The following ITGB5 variants were observed in gnomAD, a reference collection of about 807,000 sequenced individuals.
ITGB5 encodes integrin subunit beta 5, also known as integrin beta-5.
In ITGB5, 38 loss-of-function variants were observed where a neutral mutation model predicts 84.8. The ratio of observed to expected loss-of-function variants is 0.45; its 90% confidence interval spans 0.35 to 0.59. The LOEUF (loss-of-function observed/expected upper bound fraction) is 0.59, where lower values mean the gene tolerates loss of function less well. ITGB5 is among the 20% of genes least tolerant of loss of function. The pLI, the probability that ITGB5 is intolerant of heterozygous loss-of-function variation, is 0.01. For synonymous variants in ITGB5, 393 were observed against 414.4 expected (o/e 0.95, Z 0.63); for missense variants, 905 against 1,034.5 (o/e 0.87, Z 1.72).
intron 3 of ITGB5, among the ~76,000 whole-genome samples, chr3:124,857,998 T>G (rs2107615975): frequency 6.6e-6 from 1 of 152,004 alleles, no homozygotes; most frequent in Non-Finnish European, 1.5e-5. Context: ...AAAAATTAGC[T>G]GGGCGTGGTG....
Position 124,841,429 on chromosome 3 carries a change from G to A in ITGB5, c.734C>T (p.Ala245Val). The A allele has an allele frequency of 1.2e-6, 2 of 1,614,206 alleles. No individual in the cohort carries two copies. The highest frequency in any genetic ancestry group is 4.5e-5 in the East Asian group (2 of 44,882). Residue 245 changes from alanine to valine, a missense_variant, in exon 5 of 15, where the codon GCC becomes GTC. By Grantham distance (64) the Ala-to-Val change is moderately conservative. Coordinates refer to ENST00000296181, the MANE Select transcript of ITGB5 (RefSeq NM_002213.5). ...RKQRVSRNRD[A>V]PEGGFDAVLQ... is the part of the protein sequence containing the mutation. The stretch of plus-strand genomic sequence containing the variant: ...TACTGCATCAAAGCCCCCCTCAGGG[G>A]CATCTCGGTTCCGGGACACCCTCTG...
intron 9 of ITGB5, among the ~76,000 whole-genome samples, chr3:124,798,412 A>T (rs746194549): frequency 6.6e-6 from 1 of 151,094 alleles, no homozygotes; most frequent in African/African-American, 2.4e-5. Context: ...TTCAGGTAAC[A>T]ATGTTTTTGT....
intron 8 of ITGB5, among the ~76,000 whole-genome samples, chr3:124,817,268 G>A (rs992060814): frequency 2.0e-5 from 3 of 152,122 alleles, no homozygotes; most frequent in Admixed American, 6.5e-5. Context: ...CGGTGGCAGC[G>A]TTAGCCTGGG....
At chr3:124,808,068 C>T (rs1395169908) in intron 9 of ITGB5, among the ~76,000 whole-genome samples, 3 of 150,966 alleles carry the variant, frequency 2.0e-5, no homozygotes, top group Non-Finnish European at 4.4e-5. Context: ...TGGAGAAACC[C>T]GAGGAGACCA....
At chr3:124,769,230 A>T in intron 11 of ITGB5, 117 bp from the exon 12 acceptor site, 1 of 727,436 alleles carries the variant, frequency 1.4e-6, no homozygotes, top group Admixed American at 2.4e-5. Context: ...CCAGCTGCAG[A>T]TGTTCAGCCT....
chr3:124,873,444 A>C lies in ITGB5; in HGVS notation c.156+2T>G, dbSNP rs1934154311. 6.2e-7 allele frequency: 1 copy of C among 1,607,192 alleles called. No homozygotes were observed. The highest frequency in any genetic ancestry group is 1.3e-5 in the African/African-American group (1 of 74,310). On this transcript the variant is annotated splice_donor_variant, in intron 2 of 14. Coordinates refer to ENST00000296181, the MANE Select transcript of ITGB5 (RefSeq NM_002213.5). LOFTEE classifies it high-confidence loss of function. ...TCTTCCTCCCCTCCCCCACCTACAT[A>C]CCTCTTTGGAGCACCAGGCACATTT...
At chr3:124,862,052 T>C (rs1332885177) in intron 2 of ITGB5, 1 of 152,268 alleles carries the variant, frequency 6.6e-6, no homozygotes, top group Non-Finnish European at 1.5e-5. Context: ...TCTAATTAGC[T>C]TTCCAGAGCT....
intron 10 of ITGB5, among the ~76,000 whole-genome samples, chr3:124,793,900 G>A (rs193135608): frequency 1.4e-4 from 21 of 152,332 alleles, no homozygotes; most frequent in African/African-American, 4.8e-4. Context: ...CTGGTCCCAC[G>A]ACGCCCATGG....
Position 124,763,595 on chromosome 3 carries a change from C to G in ITGB5, c.*28G>C. The G allele has an allele frequency of 2.1e-6, 3 of 1,405,658 alleles. No individual in the cohort carries two copies. Among genetic ancestry groups the G allele is most frequent in the Non-Finnish European group, 2.0e-6 (2 of 990,186 alleles). The allele number at this position is 1,405,658 out of a possible 1,614,324, so 87.1% of individuals were successfully genotyped here. A position where few individuals can be genotyped will look rare whatever the true frequency, so the allele number is the denominator to read the frequency against. ...TCAGTCTGACCTTTTCATCAGATCC[C>G]CGCTCCAGCCCCTCGGAGAAGGAAA... On this transcript the variant is annotated 3_prime_UTR_variant, in exon 15 of 15. Coordinates refer to ENST00000296181, the MANE Select transcript of ITGB5 (RefSeq NM_002213.5).
intron 2 of ITGB5, among the ~76,000 whole-genome samples, chr3:124,866,262 C>G (rs1003656244): frequency 4.6e-5 from 7 of 152,110 alleles, no homozygotes; most frequent in African/African-American, 1.4e-4. Context: ...GGATTACAGG[C>G]ATGAGCCACC....
At chr3:124,817,761 C>A in intron 7 of ITGB5, 51 bp from the exon 8 acceptor site, 1 of 1,059,808 alleles carries the variant, frequency 9.4e-7, no homozygotes, top group East Asian at 2.4e-5. Flanking sequence ...CCCTGCCAAC[C>A]ATCAGAGTGA....
chr3:124,795,017 C>A (rs1247569377), intron 10 of ITGB5, among the ~76,000 whole-genome samples: 1 of 152,096 alleles, frequency 6.6e-6, no homozygotes, highest in African/African-American at 2.4e-5. Context: ...AAGCATGCTT[C>A]ACAAATGATA....
chr3:124,838,180 CTTTA>C (rs747558753), intron 5 of ITGB5, among the ~76,000 whole-genome samples: 11 of 148,222 alleles, frequency 7.4e-5, no homozygotes, highest in Non-Finnish European at 7.4e-5. Flanking sequence ...TTTCACTATT[CTTTA>C]TTCTGAAACT....
intron 9 of ITGB5, among the ~76,000 whole-genome samples, chr3:124,798,199 C>T (rs866567014): frequency 4.6e-5 from 7 of 151,592 alleles, no homozygotes; most frequent in East Asian, 3.9e-4. Context: ...ATTACAGGTG[C>T]GCGCCACCAC....
At chr3:124,845,155 G>A (rs2065060063) in intron 4 of ITGB5, among the ~76,000 whole-genome samples, 1 of 152,224 alleles carries the variant, frequency 6.6e-6, no homozygotes, top group Admixed American at 6.5e-5. Context: ...ACTTTAGGCT[G>A]GGCGTGGTGG....
At chr3:124,812,262 C>T (rs1033307940) in intron 8 of ITGB5, among the ~76,000 whole-genome samples, 5 of 152,172 alleles carry the variant, frequency 3.3e-5, no homozygotes, top group Non-Finnish European at 5.9e-5. Flanking sequence ...CTACCAGATT[C>T]GCCCCTCAAG....
rs758967509 is a variant in ITGB5, at chr3:124,783,290, CAAAAAAAAAA to C, written c.1694-9388_1694-9379del. ...TGGGCAACAGAGCGAGACTCCGTCTCAAAAAAAAAAAAAAAAAAAAAAAGAGAGAGAGAGA... is the reference window on the plus strand; with the variant it reads ...TGGGCAACAGAGCGAGACTCCGTCTCAAAAAAAAAAAAAGAGAGAGAGAGA... On this transcript the variant is annotated intron_variant, in intron 10 of 14. Transcript: ENST00000296181. Among the ~76,000 whole-genome samples the C allele has an allele frequency of 8.8e-5, 5 of 56,992 alleles. No homozygotes were observed. In the East Asian group the frequency reaches 1.5e-3, roughly 17 times the overall value. The allele number at this position is 56,992 out of a possible 152,430, so 37.4% of individuals were successfully genotyped here. A position where few individuals can be genotyped will look rare whatever the true frequency, so the allele number is the denominator to read the frequency against.
At chr3:124,873,388 C>G in intron 2 of ITGB5, 58 bp downstream of exon 2, 1 of 1,206,060 alleles carries the variant, frequency 8.3e-7, no homozygotes, top group Non-Finnish European at 1.2e-6. Context: ...TGGCCTCCTT[C>G]TCACCCTCAC....
At chr3:124,822,877 C>A (rs1174048953) in intron 5 of ITGB5, among the ~76,000 whole-genome samples, 1 of 152,164 alleles carries the variant, frequency 6.6e-6, no homozygotes, top group Non-Finnish European at 1.5e-5. Flanking sequence ...AAGTCCAATG[C>A]TAATGGAAGC....
Sources: allele counts gnomAD v4.1 joint callset (sites outside exome capture counted in the v4.1 genomes callset), GRCh38; gene constraint gnomAD v4.1.1; transcripts MANE v1.5; gene names NCBI Gene and HGNC (gene_info 2026-07-23, HGNC 2026-07-21).